The following MAD1L1 variants were observed in gnomAD, a reference collection of about 807,000 sequenced individuals.
MAD1L1 encodes the protein mitotic spindle assembly checkpoint protein MAD1.
In MAD1L1, 95 loss-of-function variants were observed where a neutral mutation model predicts 96.9. That is an observed-to-expected ratio of 0.98 (90% CI 0.83 to 1.16). The LOEUF (loss-of-function observed/expected upper bound fraction) is 1.16, where lower values mean the gene tolerates loss of function less well. Among genes scored for constraint, MAD1L1 ranks in the 50% most tolerant of loss-of-function variants. The probability of loss-of-function intolerance (pLI) is 0.00; values close to 1 mark genes in which losing one functional copy is unlikely to be tolerated. For missense variants in MAD1L1, 1,007 were observed against 954.4 expected, an observed-to-expected ratio of 1.06 and a Z score of -0.73; for synonymous variants, 473 against 396.6, an observed-to-expected ratio of 1.19 and a Z score of -2.29.
At chr7:2,099,161 A>G (rs1384775145) in intron 11 of MAD1L1, among the ~76,000 whole-genome samples, 4 of 152,174 alleles carry the variant, frequency 2.6e-5, no homozygotes, top group Admixed American at 2.6e-4. Flanking sequence ...TCCAGGAAGG[A>G]GCATCCCCCA....
At chr7:2,184,797 T>C (rs963025677) in intron 10 of MAD1L1, among the ~76,000 whole-genome samples, 2 of 151,660 alleles carry the variant, frequency 1.3e-5, no homozygotes, top group African/African-American at 4.8e-5. Flanking sequence ...AAGTCAGAAG[T>C]TCGAGACCAG....
At chr7:1,962,496 GATGA>G (rs1169901642) in intron 15 of MAD1L1, among the ~76,000 whole-genome samples, 2 of 152,138 alleles carry the variant, frequency 1.3e-5, no homozygotes, top group African/African-American at 4.8e-5. Flanking sequence ...CAAAATACCT[GATGA>G]AAGAACGAAA....
intron 11 of MAD1L1, among the ~76,000 whole-genome samples, chr7:2,091,178 G>A (rs1584296782): frequency 6.6e-6 from 1 of 152,264 alleles, no homozygotes; most frequent in African/African-American, 2.4e-5. Context: ...GGAACTAGAA[G>A]ACACTCCAGG....
intron 18 of MAD1L1, among the ~76,000 whole-genome samples, chr7:1,821,416 A>G (rs1473370181): frequency 6.6e-6 from 1 of 152,166 alleles, no homozygotes; most frequent in Non-Finnish European, 1.5e-5. Context: ...TTTTCAGTTA[A>G]CAAAAGACAG....
Position 1,930,732 on chromosome 7 carries a change from C to T in MAD1L1, c.1807+5955G>A, listed in dbSNP as rs368073441. Among the ~76,000 whole-genome samples, 6 of 151,694 alleles carry T rather than the reference C, an allele frequency of 4.0e-5. No individual in the cohort carries two copies. The East Asian group carries it at 8.0e-4, about 20-fold the overall frequency. The stretch of plus-strand genomic sequence containing the variant: ...TGGGTGATCAGGGTGTGAGGGGACT[C>T]CCCTGGGACTTGCTTCCTGGTGGGA... On this transcript the variant is annotated intron_variant, in intron 17 of 18. Transcript: ENST00000265854.
In MAD1L1 at chr7:2,024,696, G is replaced by C. The variant is rs531616063; in HGVS notation, c.1219-10054C>G. Reference sequence around the variant, plus strand: ...TCCCAGCCAGCCCCATCTCAGGCGGGTTTGTGGCTATCCCTTGTGGGCACT... The same window carrying C: ...TCCCAGCCAGCCCCATCTCAGGCGGCTTTGTGGCTATCCCTTGTGGGCACT... On this transcript the variant is annotated intron_variant, in intron 12 of 18. Coordinates refer to ENST00000265854, the MANE Select transcript of MAD1L1 (RefSeq NM_001013836.2). 3.9e-5 allele frequency among the ~76,000 whole-genome samples: 6 copies of C among 152,308 alleles called. No homozygotes were observed. The South Asian group carries it at 1.2e-3, about 32-fold the overall frequency.
chr7:2,086,080 G>A (rs983379085), intron 11 of MAD1L1, among the ~76,000 whole-genome samples: 1 of 152,198 alleles, frequency 6.6e-6, no homozygotes, highest in Non-Finnish European at 1.5e-5. Flanking sequence ...CGCTGCGGGG[G>A]AGGACGGCAA....
Position 1,816,159 on chromosome 7 carries a change from T to C in MAD1L1, c.2068A>G (p.Ile690Val), listed in dbSNP as rs1781789014. The C allele has an allele frequency of 3.1e-6, 5 of 1,613,396 alleles. No individual in the cohort carries two copies. Among genetic ancestry groups the C allele is most frequent in the Non-Finnish European group, 4.2e-6 (5 of 1,179,910 alleles). Reference protein sequence around the residue: ...TEFSHTVGELIEVHLRRQDSI... With the variant: ...TEFSHTVGELVEVHLRRQDSI... ...TCCTGGCGCCGCAGGTGCACCTCGA[T>C]GAGCTCGCCCACGGTGTGTGAGAAC... The change falls in exon 19 of 19, where the codon ATC becomes GTC. Residue 690 changes from isoleucine to valine, a missense_variant. Transcript: ENST00000265854.
chr7:1,866,946 G>C (rs556192082), intron 18 of MAD1L1, among the ~76,000 whole-genome samples: 2 of 152,338 alleles, frequency 1.3e-5, no homozygotes, highest in Admixed American at 1.3e-4. Flanking sequence ...TCCTCCTGCA[G>C]TAGGGATGGG....
chr7:2,056,927 T>C (rs773311933), intron 12 of MAD1L1, among the ~76,000 whole-genome samples: 4 of 152,140 alleles, frequency 2.6e-5, no homozygotes, highest in Non-Finnish European at 5.9e-5. Context: ...CAAGTACCCG[T>C]GCAGCTATCA....
intron 10 of MAD1L1, among the ~76,000 whole-genome samples, chr7:2,212,403 C>T (rs570861524): frequency 6.6e-6 from 1 of 152,292 alleles, no homozygotes; most frequent in Admixed American, 6.5e-5. Flanking sequence ...TGTGTCCCTG[C>T]CCCATGCCTC....
At chr7:1,832,389 T>A (rs1294340324) in intron 18 of MAD1L1, among the ~76,000 whole-genome samples, 1 of 151,758 alleles carries the variant, frequency 6.6e-6, no homozygotes, top group Non-Finnish European at 1.5e-5. Context: ...AAGAAAGTGG[T>A]TTCTTGAGAT....
At chr7:2,080,018 A>C in intron 11 of MAD1L1, 1 of 303,138 alleles carries the variant, frequency 3.3e-6, no homozygotes, top group Non-Finnish European at 6.4e-6. Context: ...GCGTCCGTCA[A>C]CCCTGTCAGC....
At chr7:1,853,297 G>A (rs762542320) in intron 18 of MAD1L1, among the ~76,000 whole-genome samples, 2 of 152,152 alleles carry the variant, frequency 1.3e-5, no homozygotes, top group Non-Finnish European at 2.9e-5. Flanking sequence ...AAGGCCCCAC[G>A]CGTGTGGAGC....
intron 12 of MAD1L1, among the ~76,000 whole-genome samples, chr7:2,035,154 G>T (rs1783408108): frequency 6.6e-6 from 1 of 152,400 alleles, no homozygotes; most frequent in South Asian, 2.1e-4. Flanking sequence ...GCCCAGAGGG[G>T]CCACATGACC....
chr7:2,213,983 G>A (rs556911277), intron 9 of MAD1L1, among the ~76,000 whole-genome samples: 44 of 152,364 alleles, frequency 2.9e-4, no homozygotes, highest in East Asian at 1.9e-3. Context: ...CGCTCCACTC[G>A]GCAAGTCAGT....
intron 17 of MAD1L1, among the ~76,000 whole-genome samples, chr7:1,911,473 T>C (rs4721185): frequency 0.46 from 69,244 of 152,016 alleles, 15,989 homozygotes; most frequent in Admixed American, 0.55. Context: ...AGGTGTTCTG[T>C]CCTCTGCCGC....
intron 17 of MAD1L1, among the ~76,000 whole-genome samples, chr7:1,917,926 C>G (rs1443247575): frequency 2.0e-5 from 3 of 152,178 alleles, no homozygotes; most frequent in African/African-American, 4.8e-5. Flanking sequence ...GAGGGCGGCC[C>G]TGACTGTGTT....
Position 1,897,833 on chromosome 7 carries a change from C to G in MAD1L1, c.1998+367G>C, listed in dbSNP as rs115391236. 8.1e-3 allele frequency among the ~76,000 whole-genome samples: 1,230 copies of G among 152,342 alleles called. 16 individuals carry two copies. Among genetic ancestry groups the G allele is most frequent in the African/African-American group, 0.028 (1,152 of 41,586 alleles). ...CTTGGAAGGCGTCCCCTGCCCCGGC[C>G]CCACACGGACTTCAGTCCTCCCCAG... On this transcript the variant is annotated intron_variant, in intron 18 of 18. Coordinates refer to ENST00000265854, the MANE Select transcript of MAD1L1 (RefSeq NM_001013836.2).
Sources: allele counts gnomAD v4.1 joint callset (sites outside exome capture counted in the v4.1 genomes callset), GRCh38; gene constraint gnomAD v4.1.1; transcripts MANE v1.5; gene names NCBI Gene and HGNC (gene_info 2026-07-23, HGNC 2026-07-21).